The following DCAF8L2 variants were observed in gnomAD, a reference collection of about 807,000 sequenced individuals.
The protein encoded by DCAF8L2 is DDB1- and CUL4-associated factor 8-like protein 2.
For missense variants in DCAF8L2, 430 were observed against 490.7 expected, an observed-to-expected ratio of 0.88 and a Z score of 1.17; for synonymous variants, 200 against 190.9, an observed-to-expected ratio of 1.05 and a Z score of -0.39.
At chrX:27,617,375 C>T (rs769529035) in intron 1 of DCAF8L2, among the ~76,000 whole-genome samples, 2 of 110,517 alleles carry the variant, frequency 1.8e-5, no homozygotes, top group South Asian at 7.8e-4. Context: ...CACTTCTCTG[C>T]TTGTAAGTTT....
At chrX:27,634,550 A>G (rs955834571) in intron 2 of DCAF8L2, among the ~76,000 whole-genome samples, 1 of 110,962 alleles carries the variant, frequency 9.0e-6, no homozygotes, top group Non-Finnish European at 1.9e-5. Context: ...CTGTAAAGAA[A>G]ATAGGAACAT....
At chrX:27,535,170 T>C in the DCAF8L2 span, among the ~76,000 whole-genome samples, 1 of 111,890 alleles carries the variant, frequency 8.9e-6, no homozygotes, top group Non-Finnish European at 1.9e-5. Flanking sequence ...CTTTTTTCTG[T>C]TAATATTTTT....
chrX:27,671,244 A>AC (rs1299742852), intron 2 of DCAF8L2, among the ~76,000 whole-genome samples: 3 of 112,202 alleles, frequency 2.7e-5, no homozygotes, highest in African/African-American at 9.7e-5. Context: ...GCTACTGAGT[A>AC]CCTTTCTACA....
At chrX:27,634,832 A>G (rs932816315) in intron 2 of DCAF8L2, among the ~76,000 whole-genome samples, 1 of 111,073 alleles carries the variant, frequency 9.0e-6, no homozygotes, top group African/African-American at 3.3e-5. Flanking sequence ...AATGAATTTT[A>G]TGTTTGGAAT....
intron 4 of DCAF8L2, among the ~76,000 whole-genome samples, chrX:27,726,865 G>T (rs1569194265): frequency 1.8e-5 from 2 of 111,864 alleles, no homozygotes; most frequent in African/African-American, 6.5e-5. Context: ...AATAATGATT[G>T]TATGAACATT....
intron 3 of DCAF8L2, among the ~76,000 whole-genome samples, chrX:27,698,691 T>C (rs777266813): frequency 2.3e-4 from 26 of 111,705 alleles, no homozygotes; most frequent in Non-Finnish European, 4.3e-4. Context: ...TTTGGTCACT[T>C]GCTGTTGAAT....
chrX:27,535,190 A>G, the DCAF8L2 span, among the ~76,000 whole-genome samples: 14 of 111,798 alleles, frequency 1.3e-4, no homozygotes, highest in Admixed American at 1.1e-3. Flanking sequence ...TAATTGGCAA[A>G]TCATAATTAT....
At chrX:27,504,085 T>G in the DCAF8L2 span, among the ~76,000 whole-genome samples, 1 of 112,100 alleles carries the variant, frequency 8.9e-6, no homozygotes, top group African/African-American at 3.2e-5. Context: ...ATTAATTACA[T>G]TGTGTTGGGT....
chrX:27,632,539 C>G (rs1039774994), intron 2 of DCAF8L2: 1 of 111,621 alleles, frequency 9.0e-6, no homozygotes, highest in Non-Finnish European at 1.9e-5. Flanking sequence ...CTCACAAACA[C>G]GAGGCATTTT....
At chrX:27,680,496 A>T (rs929771530) in intron 3 of DCAF8L2, among the ~76,000 whole-genome samples, 8 of 112,050 alleles carry the variant, frequency 7.1e-5, no homozygotes, top group Non-Finnish European at 1.1e-4. Flanking sequence ...TAATAATTTT[A>T]AAAAATATCT....
rs745536197 is a variant in DCAF8L2 at position 27,747,282 on chromosome X, AGAGGAGGAGGAGGAGGAGGAG to A, written c.414_434del (p.Glu141_Glu147del). 2.1e-4 allele frequency: 201 copies of A among 937,162 alleles called. 3 individuals carry two copies. In the Middle Eastern group the frequency reaches 2.5e-3, roughly 12 times the overall value. The allele number at this position is 937,162 out of a possible 1,213,427, so 77.2% of individuals were successfully genotyped here. ...AAGAGGAGGGAGGGGAGGAGGAGGAAGAGGAGGAGGAGGAGGAGGAGGAGGAGGAGGAGGAGGAGGAGGAGG... is the reference window on the plus strand; with the variant it reads ...AAGAGGAGGGAGGGGAGGAGGAGGAAGAGGAGGAGGAGGAGGAGGAGGAGG... On this transcript the variant is annotated inframe_deletion, in exon 5 of 5. Coordinates refer to ENST00000451261, the MANE Select transcript of DCAF8L2 (RefSeq NM_001353450.2).
At chrX:27,727,461 A>C (rs762149055) in intron 4 of DCAF8L2, among the ~76,000 whole-genome samples, 46 of 111,273 alleles carry the variant, frequency 4.1e-4, no homozygotes, top group African/African-American at 1.5e-3. Flanking sequence ...AATCATTTGA[A>C]TGTCCTTATG....
chrX:27,514,100 C>T, the DCAF8L2 span, among the ~76,000 whole-genome samples: 3 of 103,492 alleles, frequency 2.9e-5, no homozygotes, highest in African/African-American at 1.1e-4. Flanking sequence ...ACATAAATGC[C>T]CATCTATAGA....
At chrX:27,650,767 C>A (rs765454683) in intron 2 of DCAF8L2, among the ~76,000 whole-genome samples, 8 of 111,653 alleles carry the variant, frequency 7.2e-5, no homozygotes, top group Non-Finnish European at 1.3e-4. Context: ...TCTTCTTTTT[C>A]TATCTTGATG....
At chrX:27,540,843 C>CATA in the DCAF8L2 span, among the ~76,000 whole-genome samples, 10,508 of 111,067 alleles carry the variant, frequency 0.095, 399 homozygotes, top group Non-Finnish European at 0.12. Context: ...TTAAGTCCCC[C>CATA]ATATGTACAA....
chrX:27,664,689 A>G (rs1329093890), intron 2 of DCAF8L2, among the ~76,000 whole-genome samples: 1 of 111,984 alleles, frequency 8.9e-6, no homozygotes, highest in Non-Finnish European at 1.9e-5. Context: ...CAAAGAACAT[A>G]CTGATTCTCT....
intron 2 of DCAF8L2, among the ~76,000 whole-genome samples, chrX:27,650,137 C>G (rs1469581232): frequency 1.8e-5 from 2 of 111,422 alleles, no homozygotes; most frequent in Non-Finnish European, 3.8e-5. Context: ...GTTCTCCATT[C>G]TGTTCCATTG....
At chrX:27,484,819 T>C in the DCAF8L2 span, among the ~76,000 whole-genome samples, 2 of 111,305 alleles carry the variant, frequency 1.8e-5, no homozygotes, top group East Asian at 5.6e-4. Context: ...AGGAAACTCA[T>C]ACAAGGCGGC....
chrX:27,555,129 C>A, the DCAF8L2 span, among the ~76,000 whole-genome samples: 1 of 111,672 alleles, frequency 9.0e-6, no homozygotes, highest in Admixed American at 9.5e-5. Flanking sequence ...ACCTGACAGG[C>A]AATGGCTGAG....
Sources: gnomAD v4.1 joint callset for allele counts (sites outside exome capture counted in the v4.1 genomes callset) on GRCh38, gnomAD v4.1.1 for gene constraint, MANE v1.5 for transcripts, NCBI Gene and HGNC (gene_info 2026-07-23, HGNC 2026-07-21) for gene names.